Variants in MTMR3 observed in about 807,000 individuals in gnomAD.
MTMR3 encodes phosphatidylinositol-3,5-bisphosphate 3-phosphatase MTMR3.
In MTMR3, 32 loss-of-function variants were observed where a neutral mutation model predicts 132.4. That is an observed-to-expected ratio of 0.24 (90% CI 0.18 to 0.32). The LOEUF is 0.32. Among genes scored for constraint, MTMR3 ranks in the 10% least tolerant of loss-of-function variants. The pLI, the probability that MTMR3 is intolerant of heterozygous loss-of-function variation, is 1.00. For synonymous variants in MTMR3, 556 were observed against 550.3 expected (o/e 1.01, Z -0.14); for missense variants, 1,216 against 1,489.6 (o/e 0.82, Z 3.02).
At chr22:30,018,833 G>A (rs1264070212) in intron 16 of MTMR3, 1 of 152,136 alleles carries the variant, frequency 6.6e-6, no homozygotes, top group Non-Finnish European at 1.5e-5. Flanking sequence ...TTAAAATACT[G>A]TAATATCAAG....
At chr22:29,999,085 C>T in intron 8 of MTMR3, 1 of 310,160 alleles carries the variant, frequency 3.2e-6, no homozygotes, top group South Asian at 5.6e-5. Context: ...TTCCCTTTTA[C>T]CCCCTCTAGG....
chr22:29,943,563 A>C (rs186526977), intron 1 of MTMR3, among the ~76,000 whole-genome samples: 4 of 152,242 alleles, frequency 2.6e-5, no homozygotes, highest in African/African-American at 9.6e-5. Flanking sequence ...TAGAAATTTT[A>C]GCTGAAGTTT....
intron 1 of MTMR3, among the ~76,000 whole-genome samples, chr22:29,892,807 A>T (rs1191467376): frequency 6.6e-6 from 1 of 152,258 alleles, no homozygotes; most frequent in African/African-American, 2.4e-5. Context: ...GAGATAATTT[A>T]TATTGAAGAT....
At chr22:30,008,115 A>C in intron 11 of MTMR3, 83 bp downstream of exon 11, 6 of 1,552,158 alleles carry the variant, frequency 3.9e-6, no homozygotes, top group Non-Finnish European at 5.3e-6. Context: ...TCCCAATTTG[A>C]AATAAGTGGC....
intron 1 of MTMR3, among the ~76,000 whole-genome samples, chr22:29,931,779 C>CT (rs2065651015): frequency 1.6e-5 from 1 of 62,526 alleles, no homozygotes; most frequent in African/African-American, 9.9e-5. Flanking sequence ...GAGAGAGAAT[C>CT]CTTTTTTTTT....
intron 1 of MTMR3, among the ~76,000 whole-genome samples, chr22:29,923,819 T>C (rs1476777275): frequency 6.6e-6 from 1 of 152,218 alleles, no homozygotes; most frequent in Non-Finnish European, 1.5e-5. Context: ...TACAGTCATA[T>C]CAGGGGTTAG....
chr22:29,940,268 A>T (rs2065831483), intron 1 of MTMR3, among the ~76,000 whole-genome samples: 1 of 152,152 alleles, frequency 6.6e-6, no homozygotes, highest in Non-Finnish European at 1.5e-5. Flanking sequence ...ACTCCGTTTC[A>T]AAAGAAAAAA....
rs1174600454 is a variant in MTMR3 at position 29,949,133 on chromosome 22, ACACACACACACCCCCCCC to A, written c.-137-7901_-137-7884del. 7.6e-3 allele frequency among the ~76,000 whole-genome samples: 250 copies of A among 32,822 alleles called. 11 individuals are homozygous for A. The highest frequency in any genetic ancestry group is 0.039 in the African/African-American group (232 of 5,958). The allele number at this position is 32,822 out of a possible 152,430, so 21.5% of individuals were successfully genotyped here. ...CACACACACACACACACACACACAC[ACACACACACACCCCCCCC>A]CCCCCCCCCGAGGCCCTGTCTTAAA... On this transcript the variant is annotated intron_variant, in intron 1 of 19. Transcript: ENST00000401950.
At chr22:29,898,822 C>T (rs1471461028) in intron 1 of MTMR3, among the ~76,000 whole-genome samples, 1 of 151,892 alleles carries the variant, frequency 6.6e-6, no homozygotes, top group African/African-American at 2.4e-5. Flanking sequence ...TCTCCAGCTG[C>T]ATCATGTTGC....
At chr22:29,966,602 T>C (rs887187953) in intron 2 of MTMR3, among the ~76,000 whole-genome samples, 4 of 152,200 alleles carry the variant, frequency 2.6e-5, no homozygotes, top group Admixed American at 2.0e-4. Flanking sequence ...TACTTCATTC[T>C]ATACTAGTTC....
rs552767539 is a variant in MTMR3 at position 30,025,731 on chromosome 22, G to C, written c.3527G>C (p.Ser1176Thr). The C allele has an allele frequency of 1.2e-6, 2 of 1,614,170 alleles. No homozygotes were observed. Among genetic ancestry groups the C allele is most frequent in the African/African-American group, 2.7e-5 (2 of 75,032 alleles). ...EPSRVCKSCY[S>T]SLHPTSSSID... ...AGTCGAGTATGCAAGTCTTGCTATAGCAGCCTACATCCCACAAGCTCCAGC... is the reference window on the plus strand; with the variant it reads ...AGTCGAGTATGCAAGTCTTGCTATACCAGCCTACATCCCACAAGCTCCAGC... The change falls in exon 20 of 20, where the codon AGC becomes ACC. Residue 1176 changes from serine (S) to threonine (T), a missense_variant. Ser to Thr is a moderately conservative substitution (Grantham distance 58). Around this residue, in one of 7 missense-constraint regions of MTMR3, gnomAD observed 852 missense variants for 852.0 expected, o/e 1.00. Transcript: ENST00000401950.
At chr22:29,986,442 C>T (rs1459234744) in intron 5 of MTMR3, 3 of 480,682 alleles carry the variant, frequency 6.2e-6, no homozygotes, top group African/African-American at 2.1e-5. Flanking sequence ...TCTAATCTGT[C>T]TTCTTAATCT....
intron 2 of MTMR3, among the ~76,000 whole-genome samples, chr22:29,958,318 A>C (rs766267872): frequency 3.9e-5 from 6 of 152,158 alleles, no homozygotes; most frequent in Admixed American, 6.5e-5. Context: ...CCTTGGTTTT[A>C]AGTTCCTAAA....
At chr22:30,016,758 A>T in intron 15 of MTMR3, 60 bp downstream of exon 15, 2 of 1,533,730 alleles carry the variant, frequency 1.3e-6, no homozygotes, top group Non-Finnish European at 1.8e-6. Context: ...TTGGTTACAT[A>T]TGAGAGCCTT....
At chr22:29,992,828 T>C (rs934982247) in intron 7 of MTMR3, 2 of 152,260 alleles carry the variant, frequency 1.3e-5, no homozygotes, top group Non-Finnish European at 2.9e-5. Flanking sequence ...ATTCTTGTTC[T>C]ATTAAAATGC....
chr22:29,958,425 A>G (rs1345797260), intron 2 of MTMR3, among the ~76,000 whole-genome samples: 1 of 152,180 alleles, frequency 6.6e-6, no homozygotes, highest in Non-Finnish European at 1.5e-5. Context: ...CTTTACAGGT[A>G]GGCTTCAAAC....
At chr22:30,000,460 T>TAAAAAATAA (rs1183106136) in intron 8 of MTMR3, 1 of 141,876 alleles carries the variant, frequency 7.0e-6, no homozygotes, top group Non-Finnish European at 1.5e-5. Flanking sequence ...GACTTTGTCT[T>TAAAAAATAA]AAAAAATAAA....
intron 7 of MTMR3, chr22:29,994,955 T>C (rs866064875): frequency 6.6e-6 from 1 of 152,240 alleles, no homozygotes; most frequent in Non-Finnish European, 1.5e-5. Flanking sequence ...GACTGAAAGC[T>C]AAAAGCTTCT....
At chr22:29,888,363 T>A (rs2064720047) in intron 1 of MTMR3, among the ~76,000 whole-genome samples, 1 of 152,158 alleles carries the variant, frequency 6.6e-6, no homozygotes, top group Non-Finnish European at 1.5e-5. Context: ...GTTGTTTTTT[T>A]CTTTTGGGTT....
Sources: gnomAD v4.1 joint callset for allele counts (sites outside exome capture counted in the v4.1 genomes callset) on GRCh38, gnomAD v4.1.1 for gene constraint, gnomAD v4.1.1 regional missense constraint, MANE v1.5 for transcripts, NCBI Gene and HGNC (gene_info 2026-07-23, HGNC 2026-07-21) for gene names.